NOL4L: variants seen among roughly 807,000 people sequenced by gnomAD.
The protein encoded by NOL4L is nucleolar protein 4 like.
Under a neutral mutation model 64.5 loss-of-function variants are expected in NOL4L, and 7 were observed. The ratio of observed to expected loss-of-function variants is 0.11; its 90% confidence interval spans 0.06 to 0.20. The LOEUF (loss-of-function observed/expected upper bound fraction) is 0.20. Ranked by LOEUF, NOL4L falls within the 10% of genes least tolerant of loss-of-function variation. The pLI is 1.00. For missense variants in NOL4L, 680 were observed against 967.1 expected (o/e 0.70, Z 3.94); for synonymous variants, 413 against 401.0 (o/e 1.03, Z -0.36).
In NOL4L at chr20:32,519,518, T is replaced by A. The variant is rs377135600; in HGVS notation, c.589+1293A>T. On this transcript the variant is annotated intron_variant, in intron 3 of 10. Transcript: ENST00000621426. ...CAGGCCCGATGCCCGGGAGCTGGCATGATGCACCAGGCAGTCCTGGAAACC... is the reference window on the plus strand; with the variant it reads ...CAGGCCCGATGCCCGGGAGCTGGCAAGATGCACCAGGCAGTCCTGGAAACC... 6 of 152,292 alleles carry A rather than the reference T, an allele frequency of 3.9e-5. No homozygotes were observed. The East Asian group carries it at 9.7e-4, about 25-fold the overall frequency. The allele number at this position is 152,292 out of a possible 1,614,324, so 9.4% of individuals were successfully genotyped here. A position where few individuals can be genotyped will look rare whatever the true frequency, so the allele number is the denominator to read the frequency against.
intron 4 of NOL4L, among the ~76,000 whole-genome samples, chr20:32,482,166 GA>G (rs1248333064): frequency 1.3e-5 from 2 of 151,896 alleles, no homozygotes; most frequent in Non-Finnish European, 2.9e-5. Context: ...TTTAGAGGGG[GA>G]AAAAAGGTTC....
At chr20:32,482,262 G>A (rs867178582) in intron 4 of NOL4L, among the ~76,000 whole-genome samples, 16 of 152,234 alleles carry the variant, frequency 1.1e-4, no homozygotes, top group Middle Eastern at 3.4e-3. Flanking sequence ...CTTGGGGAGA[G>A]GGGAGGGAGT....
chr20:32,584,345 G>T (rs1253789336), intron 1 of NOL4L, among the ~76,000 whole-genome samples: 1 of 151,262 alleles, frequency 6.6e-6, no homozygotes, highest in African/African-American at 2.4e-5. Flanking sequence ...GCCACGGCCC[G>T]GGCAGCGGCG....
At chr20:32,521,799 T>G (rs2017946884) in intron 2 of NOL4L, among the ~76,000 whole-genome samples, 1 of 152,226 alleles carries the variant, frequency 6.6e-6, no homozygotes, top group Non-Finnish European at 1.5e-5. Flanking sequence ...AAGAGTCCCT[T>G]CAGTCCCAGG....
intron 1 of NOL4L, among the ~76,000 whole-genome samples, chr20:32,562,403 C>A (rs1207524627): frequency 6.6e-6 from 1 of 152,182 alleles, no homozygotes; most frequent in African/African-American, 2.4e-5. Flanking sequence ...AAAATCCAGG[C>A]TGATTTGCTG....
Position 32,460,166 on chromosome 20 carries a change from T to TA in NOL4L, c.842-3772dup, listed in dbSNP as rs1763750008. ...TGGAAATAACAGTGCTTCTGGAGTG[T>TA]ACACTTAAAAATGGCAAATTTTATG... On this transcript the variant is annotated intron_variant, in intron 5 of 10. Transcript: ENST00000621426. This position sits in a 1 kb window ranked among gnomAD's most constrained non-coding sequence, Gnocchi z 5.7. Among the ~76,000 whole-genome samples the TA allele has an allele frequency of 6.6e-6, 1 of 152,174 alleles. No homozygotes were observed. The highest frequency in any genetic ancestry group is 6.5e-5 in the Admixed American group (1 of 15,270).
Position 32,456,204 on chromosome 20 carries a change from G to C in NOL4L, c.1033C>G (p.Leu345Val). The C allele has an allele frequency of 1.9e-6, 3 of 1,608,922 alleles. No individual in the cohort carries two copies. The highest frequency in any genetic ancestry group is 2.5e-6 in the Non-Finnish European group (3 of 1,177,728). The change falls in exon 6 of 11, where the codon CTT becomes GTT. Residue 345 changes from leucine to valine, a missense_variant. Around this residue, in one of 4 missense-constraint regions of NOL4L, gnomAD observed 254 missense variants for 238.7 expected, o/e 1.06. Transcript: ENST00000621426. Reference protein sequence around the residue: ...LCDKLPPATALGTASYPSDGC... With the variant: ...LCDKLPPATAVGTASYPSDGC... ...TCCGAGGGGTAGGAGGCTGTGCCAAGTGCCGTGGCCGGCGGGAGCTTGTCA... is the reference window on the plus strand; with the variant it reads ...TCCGAGGGGTAGGAGGCTGTGCCAACTGCCGTGGCCGGCGGGAGCTTGTCA...
At chr20:32,552,369 CTTGA>C (rs1319269491) in intron 1 of NOL4L, among the ~76,000 whole-genome samples, 2 of 151,320 alleles carry the variant, frequency 1.3e-5, no homozygotes, top group Non-Finnish European at 2.9e-5. Flanking sequence ...TCTACGGGTA[CTTGA>C]TTAATTTTTT....
chr20:32,453,562 C>G lies in NOL4L; in HGVS notation c.1305+14G>C. 1 of 1,613,810 alleles carries G rather than the reference C, an allele frequency of 6.2e-7. No homozygotes were observed. On this transcript the variant is annotated intron_variant, in intron 7 of 10. Coordinates refer to ENST00000621426, the MANE Select transcript of NOL4L (RefSeq NM_001256798.2). The surrounding 1 kb of genome is among the most constrained non-coding windows in gnomAD (Gnocchi z 5.6). The stretch of plus-strand genomic sequence containing the variant: ...GCCCCCATCCCACCCCACCTGTTTC[C>G]GGCCGGTGCTCACGTTGAAGGCCTT...
At chr20:32,488,750 C>CTTT in intron 4 of NOL4L, among the ~76,000 whole-genome samples, 3 of 42,776 alleles carry the variant, frequency 7.0e-5, no homozygotes, top group South Asian at 7.5e-4. Flanking sequence ...TCTTTCTTTT[C>CTTT]CTTCCTTCCT....
rs568314814 is a variant in NOL4L at position 32,456,504 on chromosome 20, G to GT, written c.842-110dup. Reference sequence around the variant, plus strand: ...TCCTCATGAGTGTCCCTGGGTTGGGGTGAGTGCTGCTACCCCACCTCAGAG... The same window carrying GT: ...TCCTCATGAGTGTCCCTGGGTTGGGGTTGAGTGCTGCTACCCCACCTCAGAG... On this transcript the variant is annotated intron_variant, in intron 5 of 10. Transcript: ENST00000621426. 1.5e-5 allele frequency: 17 copies of GT among 1,160,314 alleles called. No homozygotes were observed. The South Asian group carries it at 3.5e-4, about 24-fold the overall frequency. The allele number at this position is 1,160,314 out of a possible 1,614,324, so 71.9% of individuals were successfully genotyped here.
intron 3 of NOL4L, 84 bp downstream of exon 3, chr20:32,520,727 G>T: frequency 1.3e-6 from 1 of 799,940 alleles, no homozygotes. Context: ...ACACTTTTCT[G>T]TGCCAGCAAA....
chr20:32,498,922 T>A (rs1178005989), intron 4 of NOL4L, among the ~76,000 whole-genome samples: 1 of 152,136 alleles, frequency 6.6e-6, no homozygotes, highest in Non-Finnish European at 1.5e-5. Flanking sequence ...CTCTGTTGCC[T>A]AGGCTGGAGT....
intron 3 of NOL4L, among the ~76,000 whole-genome samples, chr20:32,511,786 A>T (rs954576835): frequency 6.6e-6 from 1 of 152,176 alleles, no homozygotes; most frequent in Non-Finnish European, 1.5e-5. Flanking sequence ...AGGAGGGGAC[A>T]CAGGCCCCAG....
chr20:32,576,874 G>T (rs560222653), intron 1 of NOL4L, among the ~76,000 whole-genome samples: 1 of 152,320 alleles, frequency 6.6e-6, no homozygotes, highest in African/African-American at 2.4e-5. Flanking sequence ...GAAAGCTTAC[G>T]TGGGGTGCCC....
At chr20:32,526,525 G>T (rs1054203931) in intron 2 of NOL4L, among the ~76,000 whole-genome samples, 6 of 151,638 alleles carry the variant, frequency 4.0e-5, no homozygotes, top group Non-Finnish European at 8.8e-5. Flanking sequence ...AAAAAGATGG[G>T]CCATAAGGGG....
chr20:32,551,823 C>G (rs1046285563), intron 1 of NOL4L, among the ~76,000 whole-genome samples: 1 of 152,116 alleles, frequency 6.6e-6, no homozygotes, highest in African/African-American at 2.4e-5. Context: ...AGGTCTCACT[C>G]TGTTTCCCAG....
chr20:32,476,673 T>C (rs2145486960), intron 4 of NOL4L, among the ~76,000 whole-genome samples: 1 of 152,368 alleles, frequency 6.6e-6, no homozygotes, highest in Admixed American at 6.5e-5. Flanking sequence ...AGCTCCGCTC[T>C]AGGTGCTGGG....
rs1020048055 is a variant in NOL4L, at chr20:32,464,217, C to T, written c.842-7822G>A. Among the ~76,000 whole-genome samples the T allele has an allele frequency of 7.9e-5, 12 of 152,210 alleles. No individual in the cohort carries two copies. Among genetic ancestry groups the T allele is most frequent in the African/African-American group, 2.9e-4 (12 of 41,450 alleles). On this transcript the variant is annotated intron_variant, in intron 5 of 10. Coordinates refer to ENST00000621426, the MANE Select transcript of NOL4L (RefSeq NM_001256798.2). This position sits in a 1 kb window ranked among gnomAD's most constrained non-coding sequence, Gnocchi z 5.6. ...AGGACTGGCCCCCTGCCTGCTTTGACAAAGGCCAGCGCCCAGGCTGTGTTT... is the reference window on the plus strand; with the variant it reads ...AGGACTGGCCCCCTGCCTGCTTTGATAAAGGCCAGCGCCCAGGCTGTGTTT...
Sources: allele counts gnomAD v4.1 joint callset (sites outside exome capture counted in the v4.1 genomes callset), GRCh38; gene constraint gnomAD v4.1.1; regional missense constraint gnomAD v4.1.1; non-coding constraint Gnocchi (gnomAD v3.1); transcripts MANE v1.5; gene names NCBI Gene and HGNC (gene_info 2026-07-23, HGNC 2026-07-21).